The following SAMD5 variants were observed in gnomAD, a reference collection of about 807,000 sequenced individuals.
The protein encoded by SAMD5 is sterile alpha motif domain-containing protein 5.
A neutral mutation model predicts 11.3 loss-of-function variants in SAMD5; 13 were observed. The ratio of observed to expected loss-of-function variants is 1.15; its 90% confidence interval spans 0.75 to 1.83. The LOEUF is 1.83. SAMD5 is among the 40% of genes most tolerant of loss of function. The probability of loss-of-function intolerance (pLI) is 0.00; values close to 1 mark genes in which losing one functional copy is unlikely to be tolerated. For missense variants in SAMD5, 255 were observed against 239.1 expected (o/e 1.07, Z -0.44); for synonymous variants, 129 against 111.3 (o/e 1.16, Z -1.00).
chr6:147,905,400 C>T, the SAMD5 span, among the ~76,000 whole-genome samples: 73 of 152,206 alleles, frequency 4.8e-4, no homozygotes, highest in African/African-American at 1.6e-3. Context: ...AGGCTGGGCT[C>T]GAGCTCCTGA....
chr6:147,588,179 G>C (rs1377686530), intron 1 of SAMD5, among the ~76,000 whole-genome samples: 1 of 151,526 alleles, frequency 6.6e-6, no homozygotes, highest in Non-Finnish European at 1.5e-5. Context: ...CTCAAAAGGA[G>C]TTATTATAAG....
chr6:147,912,147 G>A, the SAMD5 span, among the ~76,000 whole-genome samples: 2 of 151,524 alleles, frequency 1.3e-5, no homozygotes, highest in Non-Finnish European at 2.9e-5. Flanking sequence ...TTTTTATGCT[G>A]AATGTTTATA....
the SAMD5 span, among the ~76,000 whole-genome samples, chr6:147,778,097 A>G: frequency 6.6e-6 from 1 of 152,210 alleles, no homozygotes; most frequent in African/African-American, 2.4e-5. Flanking sequence ...CCAGCAATGC[A>G]CTAGAGTTCC....
intron 1 of SAMD5, among the ~76,000 whole-genome samples, chr6:147,674,900 T>C (rs1386111347): frequency 6.6e-6 from 1 of 152,188 alleles, no homozygotes; most frequent in African/African-American, 2.4e-5. Flanking sequence ...CACACCTGAT[T>C]CACAAACTAA....
At position 147,551,818 on chromosome 6, in the gene SAMD5, A is replaced by ATATATATATATATATATATGT. The variant is rs1428293015; in HGVS notation, c.460-12575_460-12555dup. Among the ~76,000 whole-genome samples the ATATATATATATATATATATGT allele has an allele frequency of 3.2e-5, 2 of 62,552 alleles. 1 individual carries two copies. The highest frequency in any genetic ancestry group is 1.3e-4 in the African/African-American group (2 of 15,134). The allele number at this position is 62,552 out of a possible 152,430, so 41.0% of individuals were successfully genotyped here. A position where few individuals can be genotyped will look rare whatever the true frequency, so the allele number is the denominator to read the frequency against. ...TGTGATTCTTATATATATGTTATAT[A>ATATATATATATATATATATGT]TATATATATATATATATATGTATAT... On this transcript the variant is annotated intron_variant, in intron 1 of 1. Coordinates refer to ENST00000367474, the MANE Select transcript of SAMD5 (RefSeq NM_001030060.3).
the SAMD5 span, among the ~76,000 whole-genome samples, chr6:147,805,091 T>C: frequency 6.6e-6 from 1 of 152,246 alleles, no homozygotes; most frequent in Non-Finnish European, 1.5e-5. Flanking sequence ...CTCTTTCTTT[T>C]ATCCTCTTCA....
chr6:147,877,881 C>CACAT, the SAMD5 span, among the ~76,000 whole-genome samples: 1 of 82,328 alleles, frequency 1.2e-5, no homozygotes, highest in African/African-American at 4.6e-5. Context: ...CACACACACA[C>CACAT]GATAGATAGA....
chr6:147,664,520 C>T (rs527813932), intron 1 of SAMD5, among the ~76,000 whole-genome samples: 1 of 152,266 alleles, frequency 6.6e-6, no homozygotes, highest in African/African-American at 2.4e-5. Flanking sequence ...TAATATGTTA[C>T]ACACCAAAGT....
At chr6:147,863,579 C>T in the SAMD5 span, among the ~76,000 whole-genome samples, 1 of 152,046 alleles carries the variant, frequency 6.6e-6, no homozygotes, top group Non-Finnish European at 1.5e-5. Flanking sequence ...TGGGTAACAT[C>T]TTCCCCGACC....
chr6:147,812,182 C>CA, the SAMD5 span, among the ~76,000 whole-genome samples: 1 of 152,126 alleles, frequency 6.6e-6, no homozygotes, highest in African/African-American at 2.4e-5. Context: ...ACTTGACAAT[C>CA]AGAGTATTTT....
chr6:147,653,343 A>G (rs1475265496), intron 1 of SAMD5, among the ~76,000 whole-genome samples: 1 of 152,202 alleles, frequency 6.6e-6, no homozygotes, highest in Non-Finnish European at 1.5e-5. Context: ...TGCCTCATTT[A>G]TAAAATGGCA....
intron 1 of SAMD5, among the ~76,000 whole-genome samples, chr6:147,681,509 G>A (rs7766710): frequency 0.032 from 4,898 of 151,954 alleles, 112 homozygotes; most frequent in South Asian, 0.072. Context: ...TCTATAATTG[G>A]CATCATTTCT....
chr6:147,537,527 C>T (rs922393302), intron 1 of SAMD5, among the ~76,000 whole-genome samples: 14 of 151,918 alleles, frequency 9.2e-5, no homozygotes, highest in African/African-American at 3.4e-4. Flanking sequence ...CCGAGGCGGG[C>T]GGAACACGAG....
At chr6:147,655,776 G>A (rs1368228803) in intron 1 of SAMD5, among the ~76,000 whole-genome samples, 1 of 152,070 alleles carries the variant, frequency 6.6e-6, no homozygotes. Context: ...GTGAAAAAGT[G>A]TGTTAATCAT....
the SAMD5 span, among the ~76,000 whole-genome samples, chr6:147,954,617 T>G: frequency 6.6e-6 from 1 of 151,032 alleles, no homozygotes; most frequent in Non-Finnish European, 1.5e-5. Context: ...GTAAGTGCCC[T>G]GTACATGTTT....
chr6:147,614,294 C>G (rs1451290578), intron 1 of SAMD5, among the ~76,000 whole-genome samples: 13 of 151,464 alleles, frequency 8.6e-5, no homozygotes, highest in Non-Finnish European at 1.5e-4. Context: ...ATGGTGAAAC[C>G]CTGTCTCTAC....
intron 1 of SAMD5, among the ~76,000 whole-genome samples, chr6:147,710,414 C>T (rs1162582874): frequency 6.6e-6 from 1 of 152,152 alleles, no homozygotes; most frequent in Non-Finnish European, 1.5e-5. Context: ...CAATTGCATG[C>T]CATTTTGAGA....
chr6:147,545,120 C>T (rs974667418), intron 1 of SAMD5, among the ~76,000 whole-genome samples: 2 of 152,070 alleles, frequency 1.3e-5, no homozygotes, highest in African/African-American at 2.4e-5. Flanking sequence ...GATTTATGCT[C>T]GGTGAAATTG....
chr6:147,736,825 T>G (rs1367680682), intron 1 of SAMD5, among the ~76,000 whole-genome samples: 1 of 152,204 alleles, frequency 6.6e-6, no homozygotes, highest in African/African-American at 2.4e-5. Flanking sequence ...CAAGGGGCCA[T>G]GATTTCCCTT....
Sources: allele counts gnomAD v4.1 joint callset (sites outside exome capture counted in the v4.1 genomes callset), GRCh38; gene constraint gnomAD v4.1.1; transcripts MANE v1.5; gene names NCBI Gene and HGNC (gene_info 2026-07-23, HGNC 2026-07-21).